Variants in TEX14 observed in about 807,000 individuals in gnomAD.
TEX14 encodes testis expressed 14, intercellular bridge forming factor.
In TEX14, 168 loss-of-function variants were observed where a neutral mutation model predicts 178.6. The observed-to-expected ratio is 0.94, with a 90% confidence interval of 0.83 to 1.07. The LOEUF (loss-of-function observed/expected upper bound fraction) is 1.07, where lower values mean the gene tolerates loss of function less well. Ranked by LOEUF, TEX14 falls within the 50% of genes least tolerant of loss-of-function variation. TEX14 has a pLI of 0.00. For missense variants in TEX14, 1,730 were observed against 1,753.6 expected (o/e 0.99, Z 0.24); for synonymous variants, 626 against 634.1 (o/e 0.99, Z 0.19).
intron 1 of TEX14, among the ~76,000 whole-genome samples, chr17:58,681,430 T>A (rs1160436511): frequency 6.6e-6 from 1 of 152,160 alleles, no homozygotes. Flanking sequence ...AGTCTATCAG[T>A]TTTATTTTTA....
In TEX14 at chr17:58,629,639, A is replaced by T. The variant is rs546567553; in HGVS notation, c.251+801T>A. Reference sequence around the variant, plus strand: ...GGAGATTGAGACCATCCTGAGACCAACCTGGCTAGCATCATGAAACCCCGT... The same window carrying T: ...GGAGATTGAGACCATCCTGAGACCATCCTGGCTAGCATCATGAAACCCCGT... On this transcript the variant is annotated intron_variant, in intron 3 of 31. Coordinates refer to ENST00000349033, the MANE Select transcript of TEX14 (RefSeq NM_031272.5). Among the ~76,000 whole-genome samples the T allele has an allele frequency of 5.3e-4, 80 of 151,760 alleles. 1 individual carries two copies. The East Asian group carries it at 8.7e-3, about 16-fold the overall frequency.
intron 27 of TEX14, among the ~76,000 whole-genome samples, chr17:58,565,530 T>C (rs998918931): frequency 6.6e-6 from 1 of 152,218 alleles, no homozygotes; most frequent in Admixed American, 6.5e-5. Flanking sequence ...GGAGCTAATA[T>C]GTACTTCATG....
chr17:58,682,575 AGT>A (rs1345459525), intron 1 of TEX14, among the ~76,000 whole-genome samples: 4 of 151,928 alleles, frequency 2.6e-5, no homozygotes, highest in African/African-American at 9.6e-5. Context: ...CAGATTTCAA[AGT>A]GTGTTTTATT....
intron 1 of TEX14, among the ~76,000 whole-genome samples, chr17:58,682,766 C>T (rs902422996): frequency 1.3e-5 from 2 of 152,120 alleles, no homozygotes; most frequent in African/African-American, 4.8e-5. Context: ...GCCTAGTTAT[C>T]AAAATATCTG....
At chr17:58,673,749 T>C (rs1041592348) in intron 1 of TEX14, among the ~76,000 whole-genome samples, 1 of 151,770 alleles carries the variant, frequency 6.6e-6, no homozygotes. Context: ...CTTTTTTTTG[T>C]TTTTCTACAG....
Position 58,615,243 on chromosome 17 carries a change from C to A in TEX14, c.870G>T (p.Gln290His). The change falls in exon 8 of 32, where the codon CAG becomes CAT. Residue 290 changes from glutamine to histidine, a missense_variant. By Grantham distance (24) the Gln-to-His change is conservative. This residue lies in a region of TEX14 where 789 missense variants were observed against 681.2 expected (regional missense o/e 1.16). Coordinates refer to ENST00000349033, the MANE Select transcript of TEX14 (RefSeq NM_031272.5). ...GGCTTCCTTCTCACCTGCTGTGTTC[C>A]TGCTCGGCAATTAACAAGTCGGCCA... Reference protein sequence around the residue: ...LRLADLLIAEQEHSSKLRHPY... With the variant: ...LRLADLLIAEHEHSSKLRHPY... The A allele has an allele frequency of 1.2e-6, 2 of 1,611,360 alleles. No homozygotes were observed. Among genetic ancestry groups the A allele is most frequent in the Non-Finnish European group, 1.7e-6 (2 of 1,177,624 alleles).
At chr17:58,617,349 T>C (rs1287640003) in intron 6 of TEX14, among the ~76,000 whole-genome samples, 189 bp downstream of exon 6, 2 of 152,198 alleles carry the variant, frequency 1.3e-5, no homozygotes, top group South Asian at 2.1e-4. Context: ...GGGAATTCTC[T>C]GGGGTTTTCA....
chr17:58,682,933 TGAG>T (rs2047524497), intron 1 of TEX14, among the ~76,000 whole-genome samples: 1 of 150,852 alleles, frequency 6.6e-6, no homozygotes, highest in Non-Finnish European at 1.5e-5. Context: ...TAGAAAAAAA[TGAG>T]GAGCTGGATG....
chr17:58,557,205 T>C (rs140007510), intron 31 of TEX14, among the ~76,000 whole-genome samples, 158 bp from the exon 32 acceptor site: 29 of 152,250 alleles, frequency 1.9e-4, no homozygotes, highest in African/African-American at 5.8e-4. Context: ...CAGTGTGTCA[T>C]GGAAATGCAA....
intron 25 of TEX14, among the ~76,000 whole-genome samples, chr17:58,570,120 T>A (rs913937577): frequency 2.6e-5 from 4 of 151,796 alleles, no homozygotes; most frequent in African/African-American, 9.7e-5. Context: ...GATCTCACTA[T>A]GCTAAAACAT....
intron 26 of TEX14, chr17:58,567,915 T>C (rs544079389): frequency 4.6e-5 from 7 of 152,340 alleles, no homozygotes; most frequent in East Asian, 1.9e-4. Context: ...ACAGCAACTA[T>C]AGAGGGAAGA....
chr17:58,587,740 A>G, intron 16 of TEX14, 74 bp from the exon 17 acceptor site: 2 of 1,259,900 alleles, frequency 1.6e-6, no homozygotes, highest in Non-Finnish European at 2.3e-6. Context: ...CAAGTTCTTG[A>G]CAGAACCAAA....
chr17:58,674,317 C>T (rs982060014), intron 1 of TEX14, among the ~76,000 whole-genome samples: 3 of 150,870 alleles, frequency 2.0e-5, no homozygotes, highest in Non-Finnish European at 1.5e-5. Flanking sequence ...GAATTGAGAA[C>T]CACAAACTAA....
chr17:58,658,441 G>C (rs1348713273), intron 1 of TEX14, among the ~76,000 whole-genome samples: 1 of 141,026 alleles, frequency 7.1e-6, no homozygotes, highest in Non-Finnish European at 1.5e-5. Flanking sequence ...CCGGGCTAGA[G>C]TACAGTGGTG....
intron 25 of TEX14, 65 bp downstream of exon 25, chr17:58,570,320 T>C: frequency 9.4e-7 from 1 of 1,064,784 alleles, no homozygotes; most frequent in Non-Finnish European, 1.3e-6. Context: ...GCATCAAAGA[T>C]TGATAAGCAT....
In TEX14 at chr17:58,593,540, A is replaced by C; in HGVS notation, c.2576+15T>G. On this transcript the variant is annotated intron_variant, in intron 15 of 31. Coordinates refer to ENST00000349033, the MANE Select transcript of TEX14 (RefSeq NM_031272.5). ...AAGGCATAGTGACATTAAGAACAAC[A>C]AAATGTTGACCCACCTACTGGTATT... is the stretch of plus-strand genomic sequence containing the variant. 1 of 1,602,598 alleles carries C rather than the reference A, an allele frequency of 6.2e-7. No individual in the cohort carries two copies. The highest frequency in any genetic ancestry group is 1.1e-5 in the South Asian group (1 of 90,826).
rs550861364 is a variant in TEX14 at position 58,612,474 on chromosome 17, C to G, written c.1005+947G>C. The stretch of plus-strand genomic sequence containing the variant: ...TGGGGGCTGGGTGCAGTGGCTCAAG[C>G]CTGAAATCCCAGCACTTTAGGAGGC... On this transcript the variant is annotated intron_variant, in intron 9 of 31. Coordinates refer to ENST00000349033, the MANE Select transcript of TEX14 (RefSeq NM_031272.5). Among the ~76,000 whole-genome samples the G allele has an allele frequency of 1.9e-4, 29 of 152,034 alleles. No individual in the cohort carries two copies. In the South Asian group the frequency reaches 5.8e-3, roughly 30 times the overall value.
At position 58,585,966 on chromosome 17, in the gene TEX14, G is replaced by C. The variant is rs776137970; in HGVS notation, c.2905C>G (p.Leu969Val). Residue 969 changes from leucine (L) to valine (V), a missense_variant, in exon 18 of 32, where the codon CTG (leucine) becomes GTG (valine). Leu to Val is a conservative substitution (Grantham distance 32). Around this residue, in one of 2 missense-constraint regions of TEX14, gnomAD observed 941 missense variants for 1,072.4 expected, o/e 0.88. Coordinates refer to ENST00000349033, the MANE Select transcript of TEX14 (RefSeq NM_031272.5). ...SEAENEPDAL[L>V]QPPIRSPENT... Reference sequence around the variant, plus strand: ...TCTGGGCTCCTAATGGGGGGCTGCAGCAGGGCGTCGGGCTCATTTTCAGCC... The same window carrying C: ...TCTGGGCTCCTAATGGGGGGCTGCACCAGGGCGTCGGGCTCATTTTCAGCC... 6.2e-7 allele frequency: 1 copy of C among 1,614,096 alleles called. No homozygotes were observed. Among genetic ancestry groups the C allele is most frequent in the Non-Finnish European group, 8.5e-7 (1 of 1,180,020 alleles).
intron 23 of TEX14, among the ~76,000 whole-genome samples, chr17:58,572,751 G>T (rs1325851172): frequency 6.6e-6 from 1 of 151,926 alleles, no homozygotes; most frequent in Admixed American, 6.6e-5. Context: ...TAAAATAAAC[G>T]GTGATTTTTT....
Sources: gnomAD v4.1 joint callset for allele counts (sites outside exome capture counted in the v4.1 genomes callset) on GRCh38, gnomAD v4.1.1 for gene constraint, gnomAD v4.1.1 regional missense constraint, MANE v1.5 for transcripts, NCBI Gene and HGNC (gene_info 2026-07-23, HGNC 2026-07-21) for gene names.